Variants in JMJD1C observed in about 807,000 individuals in gnomAD.
JMJD1C encodes jumonji domain-containing protein 1C.
A neutral mutation model predicts 245.3 loss-of-function variants in JMJD1C; 31 were observed. The observed-to-expected ratio is 0.13, with a 90% confidence interval of 0.09 to 0.17. JMJD1C has a LOEUF of 0.17. JMJD1C is among the 10% of genes least tolerant of loss of function. The pLI is 1.00. For missense variants in JMJD1C, 2,691 were observed against 3,000.2 expected, an observed-to-expected ratio of 0.90 and a Z score of 2.41; for synonymous variants, 1,057 against 1,017.4, an observed-to-expected ratio of 1.04 and a Z score of -0.74.
At chr10:63,490,188 G>C (rs1589823491) in intron 1 of JMJD1C, among the ~76,000 whole-genome samples, 1 of 152,124 alleles carries the variant, frequency 6.6e-6, no homozygotes, top group East Asian at 1.9e-4. Context: ...TGTACAAGCT[G>C]TCTCCAACCT....
rs1362407655 is a variant in JMJD1C, at chr10:63,475,167, T to TTA, written n.113+46570_113+46571insTA. The stretch of plus-strand genomic sequence containing the variant: ...AATTACATCATTATTACTTGCAACA[T>TTA]ATGTAGAGTCATTATGTCTCTCTCA... On this transcript the variant is annotated intron_variant and non_coding_transcript_variant, in intron 1 of 3. Coordinates refer to the JMJD1C transcript ENST00000633035. Among the ~76,000 whole-genome samples the TTA allele has an allele frequency of 5.3e-5, 8 of 152,222 alleles. No individual in the cohort carries two copies. The East Asian group carries it at 1.3e-3, about 26-fold the overall frequency.
intron 2 of JMJD1C, among the ~76,000 whole-genome samples, chr10:63,355,705 T>C (rs1436077463): frequency 6.6e-6 from 1 of 152,040 alleles, no homozygotes; most frequent in Non-Finnish European, 1.5e-5. Flanking sequence ...GATGATTTTG[T>C]AGAAGTTTTA....
intron 1 of JMJD1C, among the ~76,000 whole-genome samples, chr10:63,389,651 CAAA>C (rs1339832371): frequency 6.6e-6 from 1 of 151,854 alleles, no homozygotes; most frequent in African/African-American, 2.4e-5. Context: ...TTTTTGGACA[CAAA>C]TAGAGTCTCA....
At chr10:63,315,958 C>G (rs1392838356) in intron 2 of JMJD1C, among the ~76,000 whole-genome samples, 1 of 151,740 alleles carries the variant, frequency 6.6e-6, no homozygotes, top group Non-Finnish European at 1.5e-5. Flanking sequence ...TACATGAGCC[C>G]AGGAGTTCAA....
At chr10:63,322,689 G>C (rs1183759713) in intron 2 of JMJD1C, among the ~76,000 whole-genome samples, 1 of 150,938 alleles carries the variant, frequency 6.6e-6, no homozygotes, top group Non-Finnish European at 1.5e-5. Flanking sequence ...TGTAGTCCCA[G>C]CTACTAGGGA....
In JMJD1C at chr10:63,438,664, C is replaced by T. The variant is rs926014795; in HGVS notation, c.168+26831G>A. On this transcript the variant is annotated intron_variant, in intron 1 of 25. Transcript: ENST00000399262. ...CACTTTTCACTGCTCTCTGACCATA[C>T]CACATTCACTGCTCCTCAAATACGC... Among the ~76,000 whole-genome samples the T allele has an allele frequency of 1.2e-4, 18 of 152,274 alleles. No homozygotes were observed. The South Asian group carries it at 3.7e-3, about 32-fold the overall frequency.
chr10:63,289,102 G>T (rs1248779110), intron 2 of JMJD1C, among the ~76,000 whole-genome samples: 4 of 151,916 alleles, frequency 2.6e-5, no homozygotes, highest in Non-Finnish European at 5.9e-5. Context: ...TCTTTTCGTT[G>T]CCTGGCCTCT....
At chr10:63,444,387 C>T (rs2132953551) in intron 1 of JMJD1C, among the ~76,000 whole-genome samples, 1 of 152,206 alleles carries the variant, frequency 6.6e-6, no homozygotes, top group South Asian at 2.1e-4. Flanking sequence ...GATTCTCCTG[C>T]CTCAGCCTCC....
chr10:63,191,032 T>A lies in JMJD1C; in HGVS notation c.6153A>T (p.Arg2051Ser). Residue 2051 changes from arginine to serine, a missense_variant, in exon 17 of 26, where the codon AGA becomes AGT. Physicochemically the swap from Arg to Ser is moderately radical, Grantham distance 110. This residue lies in a region of JMJD1C where 275 missense variants were observed against 285.5 expected (regional missense o/e 0.96). Coordinates refer to ENST00000399262, the MANE Select transcript of JMJD1C (RefSeq NM_032776.3). ...TATTCTGGGACACAAGAGGTGATGT[T>A]CTGCCATTTGGAGATTCAGAGTTGT... ...EQDNSESPNG[R>S]TSPLVSQNNE... 1 of 1,614,182 alleles carries A rather than the reference T, an allele frequency of 6.2e-7. No individual in the cohort carries two copies. The highest frequency in any genetic ancestry group is 8.5e-7 in the Non-Finnish European group (1 of 1,179,988).
At chr10:63,185,536 C>G (rs1844033448) in intron 20 of JMJD1C, 27 bp downstream of exon 20, 1 of 1,341,100 alleles carries the variant, frequency 7.5e-7, no homozygotes, top group South Asian at 1.2e-5. Context: ...CTCAAAAAGT[C>G]AAGAGTCAAA....
At chr10:63,479,168 G>A (rs1031406857) in intron 1 of JMJD1C, among the ~76,000 whole-genome samples, 1 of 150,690 alleles carries the variant, frequency 6.6e-6, no homozygotes, top group African/African-American at 2.4e-5. Context: ...TCAGCTTTTT[G>A]TTTCAAAAAT....
At chr10:63,313,120 C>T (rs1287327878) in intron 2 of JMJD1C, among the ~76,000 whole-genome samples, 1 of 152,154 alleles carries the variant, frequency 6.6e-6, no homozygotes, top group Non-Finnish European at 1.5e-5. Flanking sequence ...CCCCGCAAGG[C>T]CCCAAAGTCC....
At chr10:63,442,773 C>T (rs1951465097) in intron 1 of JMJD1C, among the ~76,000 whole-genome samples, 3 of 152,186 alleles carry the variant, frequency 2.0e-5, no homozygotes, top group Admixed American at 2.0e-4. Context: ...TATAACAATG[C>T]CACATTTTCA....
intron 10 of JMJD1C, chr10:63,202,511 C>T: frequency 1.0e-6 from 1 of 985,420 alleles, no homozygotes; most frequent in Non-Finnish European, 1.2e-6. Context: ...TTACAAAGCA[C>T]TGTGTTTAAA....
intron 2 of JMJD1C, among the ~76,000 whole-genome samples, chr10:63,325,609 A>C (rs781095841): frequency 1.8e-4 from 27 of 152,082 alleles, no homozygotes; most frequent in Non-Finnish European, 1.3e-4. Flanking sequence ...TTCCTTCTAA[A>C]CTCAAAAAAG....
At chr10:63,243,791 G>C (rs890744233) in intron 3 of JMJD1C, among the ~76,000 whole-genome samples, 5 of 152,114 alleles carry the variant, frequency 3.3e-5, no homozygotes, top group Admixed American at 2.6e-4. Flanking sequence ...ATATGAGAGG[G>C]AGACAGTCCT....
At chr10:63,399,301 C>T (rs1363979647) in intron 1 of JMJD1C, among the ~76,000 whole-genome samples, 4 of 152,148 alleles carry the variant, frequency 2.6e-5, no homozygotes, top group Non-Finnish European at 4.4e-5. Context: ...CCAGGATCAT[C>T]TTGTCCATTT....
intron 2 of JMJD1C, among the ~76,000 whole-genome samples, chr10:63,340,301 CCCACA>C (rs1943250284): frequency 6.6e-6 from 1 of 152,158 alleles, no homozygotes; most frequent in African/African-American, 2.4e-5. Context: ...CCCAGATTAC[CCCACA>C]CATGTGTGCA....
chr10:63,395,418 C>T (rs1948420959), intron 1 of JMJD1C, among the ~76,000 whole-genome samples: 2 of 152,124 alleles, frequency 1.3e-5, no homozygotes, highest in African/African-American at 4.8e-5. Flanking sequence ...GCGGAGTTTA[C>T]AGTGAGCCAA....
Sources: gnomAD v4.1 joint callset for allele counts (sites outside exome capture counted in the v4.1 genomes callset) on GRCh38, gnomAD v4.1.1 for gene constraint, gnomAD v4.1.1 regional missense constraint, MANE v1.5 for transcripts, NCBI Gene and HGNC (gene_info 2026-07-23, HGNC 2026-07-21) for gene names.